Variants in ZNF831 observed in about 807,000 individuals in gnomAD.
The protein encoded by ZNF831 is zinc finger protein 831.
A neutral mutation model predicts 95.8 loss-of-function variants in ZNF831; 59 were observed. The observed-to-expected ratio is 0.62, with a 90% CI of 0.50 to 0.77. The LOEUF (loss-of-function observed/expected upper bound fraction) is 0.77. ZNF831 is among the 30% of genes least tolerant of loss of function. ZNF831 has a pLI of 0.00. For missense variants in ZNF831, 2,205 were observed against 2,164.0 expected, an observed-to-expected ratio of 1.02 and a Z score of -0.38; for synonymous variants, 961 against 925.5, an observed-to-expected ratio of 1.04 and a Z score of -0.70.
At chr20:59,215,739 T>A (rs1338119320) in intron 4 of ZNF831, among the ~76,000 whole-genome samples, 1 of 152,250 alleles carries the variant, frequency 6.6e-6, no homozygotes, top group Non-Finnish European at 1.5e-5. Flanking sequence ...TGTGATTCTT[T>A]ACTTATTTTT....
intron 3 of ZNF831, among the ~76,000 whole-genome samples, chr20:59,198,255 C>T (rs527855774): frequency 6.6e-6 from 1 of 152,178 alleles, no homozygotes; most frequent in Non-Finnish European, 1.5e-5. Flanking sequence ...CCTTATTAGG[C>T]CAGTGCTCTA....
At chr20:59,161,116 A>G (rs1039588678), upstream of ZNF831, among the ~76,000 whole-genome samples, 12 of 152,188 alleles carry the variant, frequency 7.9e-5, no homozygotes, top group African/African-American at 2.2e-4. Flanking sequence ...TATTGAATTG[A>G]TATAACTCAC....
chr20:59,231,383 C>T (rs1986713741), intron 4 of ZNF831, among the ~76,000 whole-genome samples: 1 of 152,222 alleles, frequency 6.6e-6, no homozygotes, highest in Admixed American at 6.5e-5. Context: ...AGTTTGTCTT[C>T]ATGCCAGAAT....
At chr20:59,244,439 C>T (rs1220648412) in intron 4 of ZNF831, among the ~76,000 whole-genome samples, 1 of 152,194 alleles carries the variant, frequency 6.6e-6, no homozygotes, top group African/African-American at 2.4e-5. Context: ...TGAGCATATT[C>T]AGGTATAATA....
At chr20:59,235,422 C>T (rs971942368) in intron 4 of ZNF831, among the ~76,000 whole-genome samples, 4 of 152,130 alleles carry the variant, frequency 2.6e-5, no homozygotes, top group African/African-American at 7.2e-5. Flanking sequence ...CCCCTGCCCC[C>T]AGGAGTTTCC....
intron 1 of ZNF831, among the ~76,000 whole-genome samples, chr20:59,132,406 C>T (rs906363810): frequency 6.6e-6 from 1 of 151,732 alleles, no homozygotes; most frequent in Non-Finnish European, 1.5e-5. Flanking sequence ...AATCGCTGTG[C>T]CCATATTGCC....
rs1240210192 is a variant in ZNF831 at position 59,193,372 on chromosome 20, C to T, written c.2353C>T (p.Leu785=). The T allele has an allele frequency of 1.2e-6, 2 of 1,608,216 alleles. No homozygotes were observed. Among genetic ancestry groups the T allele is most frequent in the Admixed American group, 1.7e-5 (1 of 59,424 alleles). Residue 785 remains leucine (L), a synonymous_variant, in exon 2 of 6, where the codon CTG becomes TTG. Coordinates refer to ENST00000371030, the MANE Select transcript of ZNF831 (RefSeq NM_178457.3). ...CAGGCCAGTTTGGCCGGACCCCAAG[C>T]TGGAAGGAGGTGCCCGAGGTGTGGG... ...APRPVWPDPK[L]EGGARGVGDV...
chr20:59,128,505 G>A (rs1979249540), intron 1 of ZNF831, among the ~76,000 whole-genome samples: 1 of 152,228 alleles, frequency 6.6e-6, no homozygotes. Context: ...GTGCCCAGAT[G>A]GAGGATGGTC....
chr20:59,176,703 A>G (rs1376737887), intron 1 of ZNF831, among the ~76,000 whole-genome samples: 1 of 152,196 alleles, frequency 6.6e-6, no homozygotes, highest in Non-Finnish European at 1.5e-5. Flanking sequence ...GCAGTTTAAG[A>G]GGTAGGGTTA....
At chr20:59,227,885 A>T (rs1986515196) in intron 4 of ZNF831, among the ~76,000 whole-genome samples, 1 of 152,176 alleles carries the variant, frequency 6.6e-6, no homozygotes, top group African/African-American at 2.4e-5. Flanking sequence ...AAGTTAAGTG[A>T]CTTTACTGGA....
intron 1 of ZNF831, among the ~76,000 whole-genome samples, chr20:59,141,387 G>T (rs575303063): frequency 1.3e-5 from 2 of 152,104 alleles, no homozygotes; most frequent in Non-Finnish European, 2.9e-5. Flanking sequence ...TTTGTATAAG[G>T]TGTGAGGTGT....
chr20:59,186,189 C>G (rs765020224), intron 1 of ZNF831, among the ~76,000 whole-genome samples: 7 of 152,158 alleles, frequency 4.6e-5, no homozygotes, highest in South Asian at 2.1e-4. Context: ...CATTTTGTAG[C>G]CTCCTTCACC....
In ZNF831 at chr20:59,191,865, T is replaced by C. The variant is rs1409089899; in HGVS notation, c.846T>C (p.Ser282=). 1 of 1,613,174 alleles carries C rather than the reference T, an allele frequency of 6.2e-7. No homozygotes were observed. Among genetic ancestry groups the C allele is most frequent in the South Asian group, 1.1e-5 (1 of 91,090 alleles). ...CCGACAGAGAGGCTCCTTGGGACTC[T>C]GCCCCCATGGCGTCACCTGGGCTCC... is the stretch of plus-strand genomic sequence containing the variant. The part of the protein sequence containing the change: ...AFADREAPWD[S]APMASPGLPA... The change falls in exon 2 of 6, where the codon TCT becomes TCC. Residue 282 remains serine (S), a synonymous_variant. Coordinates refer to ENST00000371030, the MANE Select transcript of ZNF831 (RefSeq NM_178457.3).
intron 4 of ZNF831, among the ~76,000 whole-genome samples, chr20:59,245,176 G>A (rs1295725280): frequency 6.6e-6 from 1 of 152,164 alleles, no homozygotes; most frequent in Non-Finnish European, 1.5e-5. Flanking sequence ...ACCACCAAGC[G>A]GCCTCTCATT....
At chr20:59,163,474 G>A (rs1981008743), upstream of ZNF831, among the ~76,000 whole-genome samples, 1 of 152,168 alleles carries the variant, frequency 6.6e-6, no homozygotes, top group African/African-American at 2.4e-5. Context: ...AATTGCAGTG[G>A]AAATGCTCAT....
Position 59,191,816 on chromosome 20 carries a change from C to T in ZNF831, c.797C>T (p.Ala266Val), listed in dbSNP as rs754923619. 24 of 1,613,296 alleles carry T rather than the reference C, an allele frequency of 1.5e-5. No individual in the cohort carries two copies. In the Admixed American group the frequency reaches 2.2e-4, roughly 15 times the overall value. The change falls in exon 2 of 6, where the codon GCT (alanine) becomes GTT (valine). Residue 266 changes from alanine to valine, a missense_variant. Physicochemically the swap from Ala to Val is moderately conservative, Grantham distance 64. Coordinates refer to ENST00000371030, the MANE Select transcript of ZNF831 (RefSeq NM_178457.3). ...AKNLDVRTEA[A>V]PCPGSAFADR... ...AACCTGGATGTGAGGACCGAAGCTGCTCCCTGTCCAGGGTCCGCATTTGCC... is the reference window on the plus strand; with the variant it reads ...AACCTGGATGTGAGGACCGAAGCTGTTCCCTGTCCAGGGTCCGCATTTGCC...
intron 4 of ZNF831, among the ~76,000 whole-genome samples, chr20:59,209,058 C>T (rs1321965971): frequency 6.6e-6 from 1 of 152,212 alleles, no homozygotes; most frequent in African/African-American, 2.4e-5. Flanking sequence ...AGGACAAAGA[C>T]AGACAGACTG....
chr20:59,242,243 A>T (rs77431670), intron 4 of ZNF831, among the ~76,000 whole-genome samples: 1,867 of 152,318 alleles, frequency 0.012, 44 homozygotes, highest in African/African-American at 0.043. Context: ...AAATGGATCA[A>T]TTTCTCCTTT....
At chr20:59,195,290 A>C (rs1453440474) in intron 2 of ZNF831, among the ~76,000 whole-genome samples, 3 of 152,156 alleles carry the variant, frequency 2.0e-5, no homozygotes, top group Admixed American at 1.3e-4. Context: ...AAGAAATGAT[A>C]ATGCAGAGCT....
Sources: gnomAD v4.1 joint callset for allele counts (sites outside exome capture counted in the v4.1 genomes callset) on GRCh38, gnomAD v4.1.1 for gene constraint, MANE v1.5 for transcripts, NCBI Gene and HGNC (gene_info 2026-07-23, HGNC 2026-07-21) for gene names.